Variants in NLGN1 observed in about 807,000 individuals in gnomAD.
The protein encoded by NLGN1 is neuroligin-1.
A neutral mutation model predicts 65.5 loss-of-function variants in NLGN1; 12 were observed. The ratio of observed to expected loss-of-function variants is 0.18; its 90% CI spans 0.12 to 0.30. The LOEUF (loss-of-function observed/expected upper bound fraction) is 0.30, where lower values mean the gene tolerates loss of function less well. NLGN1 is among the 10% of genes least tolerant of loss of function. The pLI, the probability that NLGN1 is intolerant of heterozygous loss-of-function variation, is 1.00. For missense variants in NLGN1, 750 were observed against 1,007.1 expected, an observed-to-expected ratio of 0.74 and a Z score of 3.46; for synonymous variants, 350 against 359.5, an observed-to-expected ratio of 0.97 and a Z score of 0.30.
chr3:173,871,815 G>A (rs1187871464), intron 4 of NLGN1, among the ~76,000 whole-genome samples: 2 of 152,154 alleles, frequency 1.3e-5, no homozygotes, highest in Non-Finnish European at 2.9e-5. Flanking sequence ...CGGAGTTAAG[G>A]TGTGATATGT....
intron 2 of NLGN1, among the ~76,000 whole-genome samples, chr3:173,599,001 A>C (rs1163968098): frequency 6.6e-6 from 1 of 152,094 alleles, no homozygotes; most frequent in Non-Finnish European, 1.5e-5. Flanking sequence ...TCTACTGAAC[A>C]TTCTTTCTGC....
chr3:173,396,095 G>T (rs116087719), upstream of NLGN1, among the ~76,000 whole-genome samples: 5,739 of 152,170 alleles, frequency 0.038, 217 homozygotes, highest in African/African-American at 0.095. Flanking sequence ...GACCGGAGCA[G>T]GGGACGCATC....
chr3:173,476,801 A>G (rs756672581), intron 2 of NLGN1, among the ~76,000 whole-genome samples: 1 of 152,312 alleles, frequency 6.6e-6, no homozygotes, highest in Non-Finnish European at 1.5e-5. Context: ...ACATTTCAGT[A>G]TATTACAAGA....
At chr3:173,880,467 T>C (rs2150921989) in intron 4 of NLGN1, among the ~76,000 whole-genome samples, 1 of 151,864 alleles carries the variant, frequency 6.6e-6, no homozygotes, top group African/African-American at 2.4e-5. Flanking sequence ...AAGCAAGTAT[T>C]GCAATCAAGT....
chr3:173,500,769 A>T (rs568648039), intron 2 of NLGN1, among the ~76,000 whole-genome samples: 2 of 152,092 alleles, frequency 1.3e-5, no homozygotes, highest in African/African-American at 4.8e-5. Flanking sequence ...TTTCACAGAG[A>T]TACCTTCTCC....
chr3:173,775,591 G>C (rs930877131), intron 3 of NLGN1, among the ~76,000 whole-genome samples: 6 of 151,872 alleles, frequency 4.0e-5, no homozygotes, highest in Non-Finnish European at 5.9e-5. Context: ...ATTAGTTACT[G>C]TTGTCTCATT....
At chr3:173,923,180 A>G (rs954217168) in intron 4 of NLGN1, among the ~76,000 whole-genome samples, 2 of 152,112 alleles carry the variant, frequency 1.3e-5, no homozygotes, top group South Asian at 2.1e-4. Context: ...GGAAATAGGA[A>G]GCTAAGAGGT....
At chr3:173,596,189 T>C (rs1440329819) in intron 2 of NLGN1, among the ~76,000 whole-genome samples, 2 of 152,160 alleles carry the variant, frequency 1.3e-5, no homozygotes, top group Admixed American at 6.6e-5. Flanking sequence ...CTCTCTCTCT[T>C]TTTTTTAATG....
In NLGN1 at chr3:174,044,755, G is replaced by C. The variant is rs73184602; in HGVS notation, c.647-230560G>C. Among the ~76,000 whole-genome samples, 7 of 152,014 alleles carry C rather than the reference G, an allele frequency of 4.6e-5. No individual in the cohort carries two copies. The East Asian group carries it at 1.4e-3, about 30-fold the overall frequency. ...CCCCTTCCAAATCTCATATTGATTC[G>C]TAGTTCCCATAATCCCTAAATGTCA... On this transcript the variant is annotated intron_variant, in intron 4 of 6. Coordinates refer to ENST00000457714, the Ensembl canonical transcript of NLGN1.
intron 4 of NLGN1, among the ~76,000 whole-genome samples, chr3:173,827,496 A>G (rs1721576094): frequency 6.6e-6 from 1 of 151,962 alleles, no homozygotes; most frequent in African/African-American, 2.4e-5. Context: ...TTAGCAGCAC[A>G]TCAATAGCAC....
intron 3 of NLGN1, among the ~76,000 whole-genome samples, chr3:173,764,408 A>G (rs1778444864): frequency 6.6e-6 from 1 of 152,120 alleles, no homozygotes; most frequent in Admixed American, 6.6e-5. Flanking sequence ...GCTTCCTGTA[A>G]GGTTCACTTG....
chr3:174,177,182 AC>A (rs1729610602), intron 4 of NLGN1, among the ~76,000 whole-genome samples: 2 of 152,082 alleles, frequency 1.3e-5, no homozygotes. Context: ...TCAACAATAA[AC>A]ATTTTCTTAT....
intron 4 of NLGN1, among the ~76,000 whole-genome samples, chr3:173,811,871 C>G (rs1280848504): frequency 3.9e-5 from 6 of 152,072 alleles, no homozygotes; most frequent in Admixed American, 1.3e-4. Context: ...GTTCCAACCA[C>G]TTATTTAAAT....
intron 3 of NLGN1, among the ~76,000 whole-genome samples, chr3:173,747,801 CT>C (rs749749824): frequency 0.059 from 3,794 of 63,890 alleles, 236 homozygotes; most frequent in South Asian, 0.074. Context: ...TCTTCTTGTT[CT>C]TTTTTTTTTT....
intron 4 of NLGN1, among the ~76,000 whole-genome samples, chr3:174,118,975 A>G (rs1717169207): frequency 6.6e-6 from 1 of 152,170 alleles, no homozygotes; most frequent in African/African-American, 2.4e-5. Context: ...TAGAAAGGCA[A>G]TAATAATTGG....
At position 174,285,947 on chromosome 3, in the gene NLGN1, G is replaced by A. The variant is rs1010659324; in HGVS notation, c.*4644G>A. The A allele has an allele frequency of 2.0e-4, 30 of 151,228 alleles. 1 individual carries two copies. The highest frequency in any genetic ancestry group is 4.4e-5 in the Non-Finnish European group (3 of 67,488). The allele number at this position is 151,228 out of a possible 1,614,324, so 9.4% of individuals were successfully genotyped here. On this transcript the variant is annotated 3_prime_UTR_variant, in exon 7 of 7. Coordinates refer to ENST00000457714, the Ensembl canonical transcript of NLGN1. ...TATCAGATGCATCTAAATGGCTTCCGGGAAAGACTGAGGTAAATTTTTGAA... is the reference window on the plus strand; with the variant it reads ...TATCAGATGCATCTAAATGGCTTCCAGGAAAGACTGAGGTAAATTTTTGAA...
chr3:173,660,569 G>A (rs1035049445), intron 3 of NLGN1, among the ~76,000 whole-genome samples: 2 of 151,788 alleles, frequency 1.3e-5, no homozygotes, highest in African/African-American at 4.8e-5. Context: ...CAATTAAGGG[G>A]AGAATGCCAT....
chr3:173,967,247 C>T (rs185446445), intron 4 of NLGN1, among the ~76,000 whole-genome samples: 1 of 152,228 alleles, frequency 6.6e-6, no homozygotes, highest in East Asian at 1.9e-4. Context: ...GCATAACTTC[C>T]GACTGGTGGA....
At chr3:174,143,028 GTT>G (rs1048668097) in intron 4 of NLGN1, among the ~76,000 whole-genome samples, 4 of 152,026 alleles carry the variant, frequency 2.6e-5, no homozygotes, top group African/African-American at 9.7e-5. Flanking sequence ...GTCTCAGACT[GTT>G]TGAAACAATG....
Sources: gnomAD v4.1 joint callset for allele counts (sites outside exome capture counted in the v4.1 genomes callset) on GRCh38, gnomAD v4.1.1 for gene constraint, MANE v1.5 for transcripts, NCBI Gene and HGNC (gene_info 2026-07-23, HGNC 2026-07-21) for gene names.